LINGO2: variants seen among roughly 807,000 people sequenced by gnomAD.
LINGO2 encodes leucine rich repeat and Ig domain containing 2.
In LINGO2, 14 loss-of-function variants were observed where a neutral mutation model predicts 30.6. The ratio of observed to expected loss-of-function variants is 0.46; its 90% confidence interval spans 0.30 to 0.72. The LOEUF (loss-of-function observed/expected upper bound fraction) is 0.72, where lower values mean the gene tolerates loss of function less well. Ranked by LOEUF, LINGO2 falls within the 30% of genes least tolerant of loss-of-function variation. LINGO2 has a pLI of 0.07. For synonymous variants in LINGO2, 317 were observed against 288.5 expected, an observed-to-expected ratio of 1.10 and a Z score of -1.00; for missense variants, 729 against 751.7, an observed-to-expected ratio of 0.97 and a Z score of 0.35.
At chr9:28,189,320 G>A (rs1819676859) in intron 4 of LINGO2, among the ~76,000 whole-genome samples, 1 of 82,734 alleles carries the variant, frequency 1.2e-5, no homozygotes, top group South Asian at 5.1e-4. Context: ...AGGAAGGAAG[G>A]AAGGGAGGGA....
At chr9:28,093,777 G>T (rs970934790) in intron 4 of LINGO2, among the ~76,000 whole-genome samples, 1 of 151,908 alleles carries the variant, frequency 6.6e-6, no homozygotes, top group Admixed American at 6.6e-5. Flanking sequence ...ACTGAGCCAC[G>T]AGAAAGCAAG....
the LINGO2 span, among the ~76,000 whole-genome samples, chr9:29,183,219 G>A: frequency 1.3e-5 from 2 of 152,128 alleles, no homozygotes; most frequent in Admixed American, 6.5e-5. Context: ...CCAGAGACAA[G>A]AGATTTTGTT....
At chr9:28,608,205 T>C (rs1352380667) in intron 1 of LINGO2, among the ~76,000 whole-genome samples, 5 of 151,808 alleles carry the variant, frequency 3.3e-5, no homozygotes, top group East Asian at 1.9e-4. Flanking sequence ...TATGGATTGA[T>C]TGGGGATATT....
chr9:28,385,243 G>C (rs1821532238), intron 2 of LINGO2, among the ~76,000 whole-genome samples: 1 of 152,034 alleles, frequency 6.6e-6, no homozygotes, highest in Non-Finnish European at 1.5e-5. Context: ...TATTCCTGTA[G>C]CATTTAACCT....
chr9:28,420,546 GT>G (rs1823153894), intron 2 of LINGO2, among the ~76,000 whole-genome samples: 1 of 151,848 alleles, frequency 6.6e-6, no homozygotes, highest in South Asian at 2.1e-4. Flanking sequence ...GCATACCATT[GT>G]TTGTAAGAAA....
chr9:28,909,004 G>C, the LINGO2 span, among the ~76,000 whole-genome samples: 4 of 151,848 alleles, frequency 2.6e-5, no homozygotes, highest in African/African-American at 7.2e-5. Flanking sequence ...CTTTCCTTTA[G>C]AAAAGCAATT....
chr9:28,458,069 G>T (rs1824922929), intron 2 of LINGO2, among the ~76,000 whole-genome samples: 1 of 152,132 alleles, frequency 6.6e-6, no homozygotes, highest in Non-Finnish European at 1.5e-5. Flanking sequence ...AGAGAAAAGT[G>T]TTGGGAAATT....
At chr9:28,773,236 G>GCT in the LINGO2 span, among the ~76,000 whole-genome samples, 1 of 151,726 alleles carries the variant, frequency 6.6e-6, no homozygotes, top group African/African-American at 2.4e-5. Flanking sequence ...GTAGTGGCGG[G>GCT]CGCCTGTAGT....
intron 2 of LINGO2, among the ~76,000 whole-genome samples, chr9:28,469,148 A>G (rs1825424111): frequency 6.6e-6 from 1 of 152,160 alleles, no homozygotes; most frequent in South Asian, 2.1e-4. Flanking sequence ...TGGAGTGGAA[A>G]AATACAATAT....
At chr9:29,167,070 T>C in the LINGO2 span, among the ~76,000 whole-genome samples, 8,973 of 152,164 alleles carry the variant, frequency 0.059, 330 homozygotes, top group Non-Finnish European at 0.09. Context: ...AAAATATACA[T>C]TGTAAACAAT....
At chr9:28,069,717 A>C (rs1392763160) in intron 4 of LINGO2, among the ~76,000 whole-genome samples, 1 of 152,184 alleles carries the variant, frequency 6.6e-6, no homozygotes, top group Non-Finnish European at 1.5e-5. Flanking sequence ...GAGTAGCAGC[A>C]TTTAGTGCCC....
intron 1 of LINGO2, among the ~76,000 whole-genome samples, chr9:28,662,347 G>A (rs769964485): frequency 3.3e-5 from 5 of 152,124 alleles, no homozygotes; most frequent in Non-Finnish European, 4.4e-5. Flanking sequence ...AAAGGGAATT[G>A]ATGCTTTTTT....
At chr9:27,975,404 C>T (rs1041481179) in intron 5 of LINGO2, among the ~76,000 whole-genome samples, 4 of 151,718 alleles carry the variant, frequency 2.6e-5, no homozygotes, top group African/African-American at 2.4e-5. Context: ...AATGGGGGGG[C>T]TGGGGTTGAG....
At chr9:28,037,768 G>A (rs1229911818) in intron 4 of LINGO2, among the ~76,000 whole-genome samples, 1 of 152,212 alleles carries the variant, frequency 6.6e-6, no homozygotes, top group Non-Finnish European at 1.5e-5. Flanking sequence ...GATCACAAAT[G>A]TGGTTGCCTT....
Position 28,539,953 on chromosome 9 carries a change from C to A in LINGO2, c.-364-63928G>T, listed in dbSNP as rs181503320. Among the ~76,000 whole-genome samples, 66 of 152,240 alleles carry A rather than the reference C, an allele frequency of 4.3e-4. 1 individual carries two copies. The South Asian group carries it at 8.3e-3, about 19-fold the overall frequency. On this transcript the variant is annotated intron_variant, in intron 1 of 5. Transcript: ENST00000379992. ...CAGGCTCCACTAGCTGAATATACTT[C>A]AACAGGATGCCCGAGTCATTTACTT...
chr9:28,642,492 A>G (rs1827639298), intron 1 of LINGO2, among the ~76,000 whole-genome samples: 1 of 152,176 alleles, frequency 6.6e-6, no homozygotes, highest in Non-Finnish European at 1.5e-5. Flanking sequence ...CATGACAATT[A>G]TTTTTAAGTT....
chr9:27,958,600 T>C (rs1352801732), intron 5 of LINGO2, among the ~76,000 whole-genome samples: 1 of 152,158 alleles, frequency 6.6e-6, no homozygotes, highest in Non-Finnish European at 1.5e-5. Flanking sequence ...ATTTTTATAA[T>C]TGTCCTATTT....
the LINGO2 span, among the ~76,000 whole-genome samples, chr9:28,887,082 G>A: frequency 6.6e-6 from 1 of 152,054 alleles, no homozygotes; most frequent in African/African-American, 2.4e-5. Flanking sequence ...AGTGAGGCAG[G>A]ACCTTGTACA....
intron 3 of LINGO2, among the ~76,000 whole-genome samples, chr9:28,322,514 A>G (rs1825083877): frequency 6.6e-6 from 1 of 152,012 alleles, no homozygotes; most frequent in South Asian, 2.1e-4. Context: ...ATAACCAAAC[A>G]TAATAGATTT....
Sources: gnomAD v4.1 joint callset for allele counts (sites outside exome capture counted in the v4.1 genomes callset) on GRCh38, gnomAD v4.1.1 for gene constraint, MANE v1.5 for transcripts, NCBI Gene and HGNC (gene_info 2026-07-23, HGNC 2026-07-21) for gene names.